PREX2: variants seen among roughly 807,000 people sequenced by gnomAD.
PREX2 encodes phosphatidylinositol-3,4,5-trisphosphate dependent Rac exchange factor 2, also known as phosphatidylinositol 3,4,5-trisphosphate-dependent Rac exchanger 2 protein.
PREX2 carries 107 observed loss-of-function variants against 203.2 expected under a neutral mutation model. That is an observed-to-expected ratio of 0.53 (90% confidence interval 0.45 to 0.62). PREX2 has a LOEUF of 0.62. PREX2 is among the 20% of genes least tolerant of loss of function. The pLI is 0.00. For synonymous variants in PREX2, 672 were observed against 663.6 expected, an observed-to-expected ratio of 1.01 and a Z score of -0.19; for missense variants, 1,777 against 1,955.9, an observed-to-expected ratio of 0.91 and a Z score of 1.72.
At chr8:67,956,845 A>G (rs1805505163) in intron 1 of PREX2, among the ~76,000 whole-genome samples, 1 of 152,134 alleles carries the variant, frequency 6.6e-6, no homozygotes. Flanking sequence ...TAAACCAAAT[A>G]TTTTCAAGTT....
At chr8:68,153,612 A>C (rs987107603) in intron 34 of PREX2, among the ~76,000 whole-genome samples, 1 of 152,226 alleles carries the variant, frequency 6.6e-6, no homozygotes, top group East Asian at 1.9e-4. Context: ...TGAAATTAAC[A>C]TGTTATTTAA....
intron 1 of PREX2, among the ~76,000 whole-genome samples, chr8:67,952,896 T>G (rs1252565806): frequency 6.6e-6 from 1 of 152,174 alleles, no homozygotes; most frequent in Non-Finnish European, 1.5e-5. Context: ...TTTTCCTTCT[T>G]GTTCTTTCCT....
chr8:68,094,037 T>A (rs564690993), intron 21 of PREX2, among the ~76,000 whole-genome samples: 1 of 152,356 alleles, frequency 6.6e-6, no homozygotes, highest in East Asian at 1.9e-4. Flanking sequence ...TTAAGGGACT[T>A]GCTCAAACTA....
chr8:68,030,198 T>C (rs891980322), intron 5 of PREX2, among the ~76,000 whole-genome samples: 2 of 152,244 alleles, frequency 1.3e-5, no homozygotes, highest in Admixed American at 1.3e-4. Flanking sequence ...GTCAAATTAT[T>C]AAAAACATAA....
At chr8:67,985,486 T>A (rs915517706) in intron 1 of PREX2, among the ~76,000 whole-genome samples, 5 of 152,188 alleles carry the variant, frequency 3.3e-5, no homozygotes, top group African/African-American at 1.2e-4. Context: ...AAAAACCTAA[T>A]GAAATATGGA....
At chr8:68,102,145 T>G (rs1257308455) in intron 23 of PREX2, among the ~76,000 whole-genome samples, 3 of 152,162 alleles carry the variant, frequency 2.0e-5, no homozygotes, top group African/African-American at 7.2e-5. Flanking sequence ...TTTATGTACA[T>G]TATTGTTAGT....
intron 22 of PREX2, among the ~76,000 whole-genome samples, chr8:68,099,026 T>C (rs1810181437): frequency 6.8e-6 from 1 of 148,100 alleles, no homozygotes; most frequent in South Asian, 2.1e-4. Context: ...TGATTGATGG[T>C]ACACCTTCCC....
At chr8:68,199,430 T>C (rs1158967553) in intron 37 of PREX2, among the ~76,000 whole-genome samples, 1 of 152,234 alleles carries the variant, frequency 6.6e-6, no homozygotes, top group African/African-American at 2.4e-5. Flanking sequence ...CATTTAACAA[T>C]GCTGCAGACT....
At chr8:68,018,444 G>A (rs1210809161) in intron 2 of PREX2, among the ~76,000 whole-genome samples, 1 of 152,058 alleles carries the variant, frequency 6.6e-6, no homozygotes, top group Non-Finnish European at 1.5e-5. Context: ...TCCAGCCTGG[G>A]CAACAGGAGT....
intron 14 of PREX2, among the ~76,000 whole-genome samples, chr8:68,076,840 T>C (rs972746309): frequency 7.4e-5 from 8 of 107,664 alleles, no homozygotes; most frequent in Admixed American, 8.7e-5. Context: ...TTAAATGATC[T>C]GATTTTTTTT....
At chr8:68,135,578 A>G (rs1307514083) in intron 32 of PREX2, among the ~76,000 whole-genome samples, 1 of 152,216 alleles carries the variant, frequency 6.6e-6, no homozygotes. Context: ...ACAGATAGTA[A>G]TAAGTTTTGG....
intron 37 of PREX2, among the ~76,000 whole-genome samples, chr8:68,195,235 A>G (rs533879816): frequency 2.0e-5 from 3 of 152,340 alleles, no homozygotes; most frequent in African/African-American, 7.2e-5. Flanking sequence ...TTCCACAGCT[A>G]TTACTTACTA....
chr8:68,040,446 T>C (rs1808164613), intron 7 of PREX2, among the ~76,000 whole-genome samples: 1 of 152,118 alleles, frequency 6.6e-6, no homozygotes, highest in African/African-American at 2.4e-5. Context: ...CCCTCCTTCC[T>C]TTAGCCTTCT....
chr8:68,135,173 A>G (rs1811091721), intron 32 of PREX2, among the ~76,000 whole-genome samples: 1 of 151,590 alleles, frequency 6.6e-6, no homozygotes, highest in African/African-American at 2.4e-5. Flanking sequence ...GTAGGCATCA[A>G]TTATCTGTTG....
chr8:68,163,094 T>C (rs1297993736), intron 35 of PREX2, among the ~76,000 whole-genome samples: 1 of 152,212 alleles, frequency 6.6e-6, no homozygotes, highest in African/African-American at 2.4e-5. Context: ...AGTTATTTAA[T>C]TTATGGGTAC....
chr8:68,014,489 C>A (rs952425253), intron 1 of PREX2, among the ~76,000 whole-genome samples: 5 of 152,082 alleles, frequency 3.3e-5, no homozygotes, highest in Non-Finnish European at 7.4e-5. Flanking sequence ...CCTCTGAATG[C>A]AACTTAGCCT....
At chr8:68,056,422 G>A (rs779367630) in intron 10 of PREX2, among the ~76,000 whole-genome samples, 13 of 152,154 alleles carry the variant, frequency 8.5e-5, no homozygotes, top group Non-Finnish European at 1.8e-4. Flanking sequence ...AAGGGTGTAG[G>A]TAAAGAGTCT....
chr8:67,973,107 A>AAG (rs1805972493), intron 1 of PREX2, among the ~76,000 whole-genome samples: 1 of 151,932 alleles, frequency 6.6e-6, no homozygotes, highest in African/African-American at 2.4e-5. Context: ...CACTAGATAT[A>AAG]CCCCTTTCTC....
intron 37 of PREX2, among the ~76,000 whole-genome samples, chr8:68,197,283 A>G (rs1323667793): frequency 6.6e-6 from 1 of 152,070 alleles, no homozygotes; most frequent in Non-Finnish European, 1.5e-5. Context: ...GGTGGAGGTA[A>G]TTGGATCATG....
Sources: gnomAD v4.1 joint callset for allele counts (sites outside exome capture counted in the v4.1 genomes callset) on GRCh38, gnomAD v4.1.1 for gene constraint, MANE v1.5 for transcripts, NCBI Gene and HGNC (gene_info 2026-07-23, HGNC 2026-07-21) for gene names.